PCDH15: variants seen among roughly 807,000 people sequenced by gnomAD.
PCDH15 encodes the protein protocadherin-15.
Under a neutral mutation model 178.5 loss-of-function variants are expected in PCDH15, and 129 were observed. That is an observed-to-expected ratio of 0.72 (90% CI 0.63 to 0.84). PCDH15 has a LOEUF of 0.84. Among genes scored for constraint, PCDH15 ranks in the 40% least tolerant of loss-of-function variants. The pLI is 0.00. For missense variants in PCDH15, 2,230 were observed against 2,099.9 expected (o/e 1.06, Z -1.21); for synonymous variants, 800 against 732.0 (o/e 1.09, Z -1.50).
At chr10:54,875,782 G>A (rs1954129174) in intron 3 of PCDH15, among the ~76,000 whole-genome samples, 1 of 152,120 alleles carries the variant, frequency 6.6e-6, no homozygotes, top group South Asian at 2.1e-4. Flanking sequence ...AGCTAGTAGG[G>A]GTTAGTTCTT....
intron 6 of PCDH15, among the ~76,000 whole-genome samples, chr10:54,332,901 A>C: frequency 6.6e-6 from 1 of 152,114 alleles, no homozygotes; most frequent in East Asian, 1.9e-4. Flanking sequence ...GAGATTTTAT[A>C]GATTCTTAGA....
intron 18 of PCDH15, among the ~76,000 whole-genome samples, chr10:54,062,256 A>AAAAAAAAAAAAAAAAAT (rs2094042677): frequency 9.1e-6 from 1 of 110,008 alleles, no homozygotes; most frequent in Non-Finnish European, 2.0e-5. Flanking sequence ...AAAAAAACAA[A>AAAAAAAAAAAAAAAAAT]AAACAACTAA....
intron 3 of PCDH15, among the ~76,000 whole-genome samples, chr10:54,823,129 A>G (rs1184361013): frequency 1.3e-5 from 2 of 151,926 alleles, no homozygotes; most frequent in African/African-American, 2.4e-5. Flanking sequence ...TGATCTGCCC[A>G]CCTCAGCCTC....
At chr10:54,480,386 C>A (rs1589631610) in intron 3 of PCDH15, among the ~76,000 whole-genome samples, 4 of 151,934 alleles carry the variant, frequency 2.6e-5, no homozygotes, top group Admixed American at 2.0e-4. Context: ...GATTCTCTAG[C>A]ACTGGTGGGC....
intron 2 of PCDH15, among the ~76,000 whole-genome samples, chr10:55,521,610 T>C (rs1565219685): frequency 1.3e-5 from 2 of 151,962 alleles, no homozygotes; most frequent in African/African-American, 4.8e-5. Flanking sequence ...CCACAGATAC[T>C]TTGATTGTTT....
At chr10:55,263,858 C>T (rs2132238146) in intron 1 of PCDH15, among the ~76,000 whole-genome samples, 1 of 152,266 alleles carries the variant, frequency 6.6e-6, no homozygotes, top group South Asian at 2.1e-4. Context: ...CCTCAGCCTC[C>T]CAAGTAGCTG....
Position 53,879,751 on chromosome 10 carries a change from C to T in PCDH15, c.3502-12894G>A, listed in dbSNP as rs527948321. ...TCTCGAGTACCAGGGACTACAGGCGCGCACCACCACGCCTGGCTAATTTTT... is the reference window on the plus strand; with the variant it reads ...TCTCGAGTACCAGGGACTACAGGCGTGCACCACCACGCCTGGCTAATTTTT... On this transcript the variant is annotated intron_variant, in intron 26 of 37. Coordinates refer to ENST00000644397, the MANE Select transcript of PCDH15 (RefSeq NM_001384140.1). Among the ~76,000 whole-genome samples the T allele has an allele frequency of 5.6e-4, 86 of 152,242 alleles. No homozygotes were observed. The South Asian group carries it at 0.011, about 19-fold the overall frequency.
chr10:54,222,812 A>G (rs1406998512), intron 9 of PCDH15, among the ~76,000 whole-genome samples: 2 of 152,156 alleles, frequency 1.3e-5, no homozygotes, highest in Non-Finnish European at 2.9e-5. Context: ...CTGCCATTTT[A>G]TAATTGTCTC....
chr10:55,143,399 T>C (rs1441952112), intron 2 of PCDH15, among the ~76,000 whole-genome samples: 1 of 152,108 alleles, frequency 6.6e-6, no homozygotes, highest in Non-Finnish European at 1.5e-5. Context: ...TTAAATTATT[T>C]TGAGTTACTA....
chr10:55,214,292 A>G (rs1840642977), intron 1 of PCDH15, among the ~76,000 whole-genome samples: 1 of 150,916 alleles, frequency 6.6e-6, no homozygotes, highest in Admixed American at 6.6e-5. Flanking sequence ...CAAATTTTAT[A>G]TAGCCTTATC....
At chr10:53,932,342 C>A (rs1323859048) in intron 25 of PCDH15, among the ~76,000 whole-genome samples, 1 of 152,166 alleles carries the variant, frequency 6.6e-6, no homozygotes, top group Non-Finnish European at 1.5e-5. Context: ...AAAGAACAGT[C>A]ACAGGCTCTT....
chr10:54,954,261 T>A (rs535504907), intron 2 of PCDH15, among the ~76,000 whole-genome samples: 1 of 151,422 alleles, frequency 6.6e-6, no homozygotes, highest in Non-Finnish European at 1.5e-5. Flanking sequence ...CAGGCCTCTA[T>A]TAAATTGCGC....
chr10:55,456,929 A>C (rs1839566735), intron 2 of PCDH15, among the ~76,000 whole-genome samples: 1 of 152,072 alleles, frequency 6.6e-6, no homozygotes, highest in South Asian at 2.1e-4. Flanking sequence ...AAAGAATGCT[A>C]TATTTTCTGA....
intron 2 of PCDH15, among the ~76,000 whole-genome samples, chr10:55,147,861 G>T (rs1838574174): frequency 6.7e-6 from 1 of 150,296 alleles, no homozygotes; most frequent in African/African-American, 2.4e-5. Context: ...CTATCTTTCT[G>T]TTTAAGCCCT....
intron 2 of PCDH15, among the ~76,000 whole-genome samples, chr10:55,493,382 C>G (rs1407637729): frequency 6.6e-6 from 1 of 151,300 alleles, no homozygotes; most frequent in African/African-American, 2.4e-5. Flanking sequence ...ATGGTGAAAA[C>G]TTGTCACTAC....
At chr10:54,520,736 A>G (rs1027477194) in intron 3 of PCDH15, among the ~76,000 whole-genome samples, 2 of 151,410 alleles carry the variant, frequency 1.3e-5, no homozygotes, top group Non-Finnish European at 2.9e-5. Flanking sequence ...AGGACTATAA[A>G]TCATGCTGCT....
intron 3 of PCDH15, among the ~76,000 whole-genome samples, chr10:54,497,524 T>G (rs925998584): frequency 3.9e-5 from 6 of 152,084 alleles, no homozygotes; most frequent in African/African-American, 1.4e-4. Flanking sequence ...AGGAGAAGGT[T>G]GAAACCAAAT....
rs192007888 is a variant in PCDH15 at position 53,954,665 on chromosome 10, T to C, written c.3122+5067A>G. 6.8e-3 allele frequency among the ~76,000 whole-genome samples: 1,031 copies of C among 152,334 alleles called. 6 individuals carry two copies. Among genetic ancestry groups the C allele is most frequent in the Non-Finnish European group, 0.011 (774 of 68,028 alleles). ...TTCATTGTATAAAATATTCAACCTTTAGCTTGAAGTCCAGAAAGGTTTGGC... is the reference window on the plus strand; with the variant it reads ...TTCATTGTATAAAATATTCAACCTTCAGCTTGAAGTCCAGAAAGGTTTGGC... On this transcript the variant is annotated intron_variant, in intron 23 of 37. Transcript: ENST00000644397.
At chr10:54,926,324 T>G (rs766985126) in intron 2 of PCDH15, among the ~76,000 whole-genome samples, 35 of 152,130 alleles carry the variant, frequency 2.3e-4, no homozygotes, top group Non-Finnish European at 3.7e-4. Context: ...ATAAGCTTTT[T>G]GATGTGCTGC....
Sources: allele counts gnomAD v4.1 joint callset (sites outside exome capture counted in the v4.1 genomes callset), GRCh38; gene constraint gnomAD v4.1.1; transcripts MANE v1.5; gene names NCBI Gene and HGNC (gene_info 2026-07-23, HGNC 2026-07-21).